Variants in PRAG1 observed in about 807,000 individuals in gnomAD.
PRAG1 encodes inactive tyrosine-protein kinase PRAG1.
PRAG1 carries 110 observed loss-of-function variants against 95.6 expected under a neutral mutation model. That is an observed-to-expected ratio of 1.15 (90% CI 0.99 to 1.35). The LOEUF is 1.35. PRAG1 is among the 40% of genes most tolerant of loss of function. The pLI is 0.00. For synonymous variants in PRAG1, 1,052 were observed against 819.4 expected (o/e 1.28, Z -4.85); for missense variants, 2,554 against 1,864.7 (o/e 1.37, Z -6.81).
At chr8:8,365,639 A>G (rs1799976377) in intron 3 of PRAG1, among the ~76,000 whole-genome samples, 1 of 151,530 alleles carries the variant, frequency 6.6e-6, no homozygotes, top group South Asian at 2.1e-4. Context: ...ATAAATAAAT[A>G]AATAAATATA....
intron 5 of PRAG1, among the ~76,000 whole-genome samples, chr8:8,323,235 G>A (rs1031611003): frequency 1.3e-5 from 2 of 152,044 alleles, no homozygotes; most frequent in Admixed American, 6.5e-5. Flanking sequence ...CCCACGTGTG[G>A]TGGGAGGAAC....
In PRAG1 at chr8:8,364,285, T is replaced by A. The variant is rs1040128367; in HGVS notation, c.2162+11962A>T. ...ATTATTAATGAAGTTAAGTAGCTCT[T>A]CAAATTCTTGCCCTGCATTTAGCTT... On this transcript the variant is annotated intron_variant, in intron 3 of 5. Transcript: ENST00000615670. 4.6e-5 allele frequency among the ~76,000 whole-genome samples: 7 copies of A among 152,248 alleles called. 1 individual carries two copies. The highest frequency in any genetic ancestry group is 7.3e-5 in the Non-Finnish European group (5 of 68,040).
chr8:8,334,725 T>C (rs1585229802), intron 4 of PRAG1, among the ~76,000 whole-genome samples: 2 of 150,440 alleles, frequency 1.3e-5, no homozygotes, highest in South Asian at 4.3e-4. Context: ...GATCTTTCAA[T>C]CTCCTGTTAT....
chr8:8,325,286 C>A (rs950016754), intron 5 of PRAG1, among the ~76,000 whole-genome samples: 5 of 152,148 alleles, frequency 3.3e-5, no homozygotes, highest in Non-Finnish European at 7.3e-5. Context: ...TTCCTGGTAA[C>A]GTTGTTCCAA....
At chr8:8,384,213 A>G (rs1350678345) in intron 1 of PRAG1, among the ~76,000 whole-genome samples, 2 of 152,114 alleles carry the variant, frequency 1.3e-5, no homozygotes. Context: ...CCTCCTCAAC[A>G]GGCAAGTAAG....
At chr8:8,358,177 T>A (rs1370679784) in intron 3 of PRAG1, among the ~76,000 whole-genome samples, 1 of 152,166 alleles carries the variant, frequency 6.6e-6, no homozygotes, top group South Asian at 2.1e-4. Context: ...GAGCTGCACA[T>A]AGAACTCAGG....
chr8:8,372,257 T>A (rs958452102), intron 3 of PRAG1, among the ~76,000 whole-genome samples: 1 of 152,214 alleles, frequency 6.6e-6, no homozygotes, highest in African/African-American at 2.4e-5. Flanking sequence ...TTACCCCAAG[T>A]GATCCACCCG....
At chr8:8,385,104 A>ACATCAGAAGTGC (rs2116959572) in intron 1 of PRAG1, among the ~76,000 whole-genome samples, 1 of 152,316 alleles carries the variant, frequency 6.6e-6, no homozygotes, top group African/African-American at 2.4e-5. Context: ...CTTATGCCTT[A>ACATCAGAAGTGC]TTCTGAAGTG....
intron 1 of PRAG1, 104 bp from the exon 2 acceptor site, chr8:8,381,938 A>G (rs1171456348): frequency 1.9e-6 from 1 of 533,848 alleles, no homozygotes; most frequent in Non-Finnish European, 3.3e-6. Flanking sequence ...GGAGGAGAAA[A>G]AGGTAAAGAT....
chr8:8,331,409 G>C (rs1430304573), intron 4 of PRAG1, among the ~76,000 whole-genome samples: 1 of 152,130 alleles, frequency 6.6e-6, no homozygotes, highest in Non-Finnish European at 1.5e-5. Context: ...TCCTCCTTTA[G>C]AAAATGACCG....
At position 8,327,971 on chromosome 8, in the gene PRAG1, C is replaced by T; in HGVS notation, c.2811G>A (p.Gln937=). The T allele has an allele frequency of 6.2e-7, 1 of 1,604,032 alleles. No individual in the cohort carries two copies. Among genetic ancestry groups the T allele is most frequent in the Non-Finnish European group, 8.5e-7 (1 of 1,173,912 alleles). ...SQASTGSTQL[Q]LHGLLSNISS... ...TGATGTTGCTCAGGAGACCGTGCAG[C>T]TGAAGCTGGGTGCTCCCGGTGGAGG... Residue 937 remains glutamine, a synonymous_variant, in exon 5 of 6, where the codon CAG becomes CAA. Coordinates refer to ENST00000615670, the MANE Select transcript of PRAG1 (RefSeq NM_001080826.3).
rs61665217 is a variant in PRAG1, at chr8:8,350,895, A to AATGGATGG, written c.2163-11268_2163-11261dup. ...CCATGTACATAGAAAGTGCTCGTTA[A>AATGGATGG]ATGGATGGATGGATGGATGGATGGA... On this transcript the variant is annotated intron_variant, in intron 3 of 5. Coordinates refer to ENST00000615670, the MANE Select transcript of PRAG1 (RefSeq NM_001080826.3). Among the ~76,000 whole-genome samples, 44 of 149,568 alleles carry AATGGATGG rather than the reference A, an allele frequency of 2.9e-4. 1 individual carries two copies. The highest frequency in any genetic ancestry group is 1.3e-3 in the South Asian group (6 of 4,608).
chr8:8,347,711 G>C (rs1004754935), intron 3 of PRAG1, among the ~76,000 whole-genome samples: 13 of 152,050 alleles, frequency 8.5e-5, no homozygotes, highest in African/African-American at 3.1e-4. Context: ...TAGGTGTTGG[G>C]GATACAATGG....
intron 3 of PRAG1, among the ~76,000 whole-genome samples, chr8:8,349,314 T>C (rs1799445027): frequency 6.6e-6 from 1 of 151,630 alleles, no homozygotes. Flanking sequence ...AGAGTCTCGC[T>C]CTGTCACCCA....
At chr8:8,341,798 T>C (rs1475224024) in intron 3 of PRAG1, among the ~76,000 whole-genome samples, 1 of 152,250 alleles carries the variant, frequency 6.6e-6, no homozygotes, top group Non-Finnish European at 1.5e-5. Flanking sequence ...TTCTTTCTTG[T>C]CCTGTCCTTG....
chr8:8,376,847 T>A lies in PRAG1; in HGVS notation c.1562A>T (p.Gln521Leu). 6.2e-7 allele frequency: 1 copy of A among 1,612,970 alleles called. No homozygotes were observed. The highest frequency in any genetic ancestry group is 8.5e-7 in the Non-Finnish European group (1 of 1,180,008). Residue 521 changes from glutamine (Q) to leucine (L), a missense_variant, in exon 3 of 6, where the codon CAG (glutamine) becomes CTG (leucine). By Grantham distance (113) the Gln-to-Leu change is moderately radical. Coordinates refer to ENST00000615670, the MANE Select transcript of PRAG1 (RefSeq NM_001080826.3). ...ATGGCTTTCCCTGGAGCTCAGCCCCTGCCCAGCCGAAGTCTCCTCTTCACC... is the reference window on the plus strand; with the variant it reads ...ATGGCTTTCCCTGGAGCTCAGCCCCAGCCCAGCCGAAGTCTCCTCTTCACC... Reference protein sequence around the residue: ...EVGEEETSAGQGLSSRESHAH... With the variant: ...EVGEEETSAGLGLSSRESHAH...
chr8:8,376,895 G>T lies in PRAG1; in HGVS notation c.1514C>A (p.Pro505His), dbSNP rs758269378. 6.2e-7 allele frequency: 1 copy of T among 1,613,278 alleles called. No homozygotes were observed. The highest frequency in any genetic ancestry group is 1.7e-5 in the Admixed American group (1 of 60,030). ...SAVGVQWPRG[P>H]VSQNSEVGEE... ...ACCTACCTCGGAGTTCTGGCTCACA[G>T]GCCCTCGTGGCCACTGCACCCCCAC... Residue 505 changes from proline (P) to histidine (H), a missense_variant, in exon 3 of 6, where the codon CCT (proline) becomes CAT (histidine). Transcript: ENST00000615670.
chr8:8,374,597 C>A, intron 3 of PRAG1: 3 of 943,324 alleles, frequency 3.2e-6, no homozygotes, highest in African/African-American at 1.8e-5. Context: ...ATGTCTAATT[C>A]TTTTAAATCC....
At position 8,319,157 on chromosome 8, in the gene PRAG1, A is replaced by G. The variant is rs1301802634; in HGVS notation, c.3218T>C (p.Val1073Ala). The G allele has an allele frequency of 1.9e-6, 3 of 1,605,662 alleles. No individual in the cohort carries two copies. The East Asian group carries it at 6.7e-5, about 36-fold the overall frequency. Residue 1073 changes from valine (V) to alanine (A), a missense_variant, in exon 6 of 6, where the codon GTG becomes GCG. By Grantham distance (64) the Val-to-Ala change is moderately conservative. Transcript: ENST00000615670. ...AGGGGGGTGTGTGGGCAGGGCAGGC[A>G]CAGGGTCCTTGGGCGCGTCGGGGGA... ...LSSPDAPKDP[V>A]PALPTHPPAQ...
Sources: gnomAD v4.1 joint callset for allele counts (sites outside exome capture counted in the v4.1 genomes callset) on GRCh38, gnomAD v4.1.1 for gene constraint, MANE v1.5 for transcripts, NCBI Gene and HGNC (gene_info 2026-07-23, HGNC 2026-07-21) for gene names.